The following FHIT variants were observed in gnomAD, a reference collection of about 807,000 sequenced individuals.
FHIT encodes the protein bis(5'-adenosyl)-triphosphatase.
FHIT carries 19 observed loss-of-function variants against 17.9 expected under a neutral mutation model. The observed-to-expected ratio is 1.06, with a 90% confidence interval of 0.74 to 1.56. FHIT has a LOEUF of 1.56. Among genes scored for constraint, FHIT ranks in the 40% most tolerant of loss-of-function variants. The pLI, the probability that FHIT is intolerant of heterozygous loss-of-function variation, is 0.00. For synonymous variants in FHIT, 81 were observed against 69.7 expected, an observed-to-expected ratio of 1.16 and a Z score of -0.81; for missense variants, 248 against 189.2, an observed-to-expected ratio of 1.31 and a Z score of -1.82.
At chr3:60,189,256 GAAAGA>G (rs1702295181) in intron 5 of FHIT, among the ~76,000 whole-genome samples, 1 of 151,924 alleles carries the variant, frequency 6.6e-6, no homozygotes, top group African/African-American at 2.4e-5. Flanking sequence ...GGAAAGAGGA[GAAAGA>G]AAAGAAAAGC....
At chr3:59,986,035 T>A (rs997702709) in intron 7 of FHIT, among the ~76,000 whole-genome samples, 2 of 152,026 alleles carry the variant, frequency 1.3e-5, no homozygotes, top group African/African-American at 4.8e-5. Flanking sequence ...GAACCAAGTA[T>A]CACTTCCTTT....
chr3:60,602,464 A>C (rs1171517722), intron 4 of FHIT, among the ~76,000 whole-genome samples: 1 of 152,200 alleles, frequency 6.6e-6, no homozygotes, highest in African/African-American at 2.4e-5. Flanking sequence ...AGATATTCTC[A>C]AAAGTGAAAA....
chr3:60,090,387 G>A (rs865914685), intron 5 of FHIT, among the ~76,000 whole-genome samples: 31 of 152,108 alleles, frequency 2.0e-4, no homozygotes, highest in African/African-American at 7.2e-4. Flanking sequence ...TTCAAAAGTC[G>A]GTAATGACAG....
intron 4 of FHIT, among the ~76,000 whole-genome samples, chr3:60,755,758 A>T (rs1395032711): frequency 6.6e-6 from 1 of 152,206 alleles, no homozygotes; most frequent in African/African-American, 2.4e-5. Context: ...ATTTAGAGAC[A>T]TTGGTTAAAT....
intron 4 of FHIT, among the ~76,000 whole-genome samples, chr3:60,574,364 CTTT>C (rs77222262): frequency 4.8e-5 from 7 of 144,822 alleles, no homozygotes; most frequent in Non-Finnish European, 4.6e-5. Context: ...TCTCCAACTC[CTTT>C]TTTTTTTTTT....
At chr3:60,144,736 A>G (rs998946960) in intron 5 of FHIT, among the ~76,000 whole-genome samples, 2 of 152,128 alleles carry the variant, frequency 1.3e-5, no homozygotes, top group Non-Finnish European at 2.9e-5. Context: ...TTATTTGGTG[A>G]AAACCTTCAA....
chr3:60,311,855 C>T (rs1335538485), intron 5 of FHIT, among the ~76,000 whole-genome samples: 2 of 151,540 alleles, frequency 1.3e-5, no homozygotes, highest in Non-Finnish European at 2.9e-5. Flanking sequence ...CAGGGCTGTT[C>T]AAGCTAACAG....
chr3:60,834,885 A>AG (rs1455575092), intron 3 of FHIT, among the ~76,000 whole-genome samples: 8 of 151,544 alleles, frequency 5.3e-5, no homozygotes, highest in African/African-American at 1.2e-4. Flanking sequence ...AGAAAAGAAA[A>AG]AAAAAAAAAA....
intron 5 of FHIT, among the ~76,000 whole-genome samples, chr3:60,293,573 C>G (rs1708080331): frequency 6.6e-6 from 1 of 152,048 alleles, no homozygotes; most frequent in African/African-American, 2.4e-5. Flanking sequence ...TGCTTTCTTC[C>G]ACAGTATTAT....
chr3:61,240,296 T>A (rs1560104670), intron 1 of FHIT, among the ~76,000 whole-genome samples: 1 of 152,196 alleles, frequency 6.6e-6, no homozygotes, highest in Non-Finnish European at 1.5e-5. Context: ...TCAGCAGCTC[T>A]CGTTAACCAG....
intron 4 of FHIT, among the ~76,000 whole-genome samples, chr3:60,746,073 T>C (rs2042349871): frequency 6.6e-6 from 1 of 152,216 alleles, no homozygotes; most frequent in South Asian, 2.1e-4. Context: ...TCATTAGCAC[T>C]GCACCTGATT....
At chr3:60,179,662 AT>A (rs1701836365) in intron 5 of FHIT, among the ~76,000 whole-genome samples, 3 of 151,856 alleles carry the variant, frequency 2.0e-5, no homozygotes, top group Non-Finnish European at 4.4e-5. Context: ...GTTATAATAC[AT>A]GTTTCTGTAG....
intron 5 of FHIT, among the ~76,000 whole-genome samples, chr3:60,339,286 G>A (rs556670703): frequency 6.6e-6 from 1 of 151,876 alleles, no homozygotes; most frequent in East Asian, 1.9e-4. Flanking sequence ...AACCTCTTCA[G>A]TATTAAAGAG....
intron 8 of FHIT, among the ~76,000 whole-genome samples, chr3:59,867,141 C>T (rs995124188): frequency 7.1e-5 from 4 of 56,446 alleles, no homozygotes; most frequent in African/African-American, 5.0e-4. Context: ...ATGGCAAAAT[C>T]TGATGGCTCT....
At chr3:60,990,544 C>G (rs992629913) in intron 3 of FHIT, among the ~76,000 whole-genome samples, 2 of 152,188 alleles carry the variant, frequency 1.3e-5, no homozygotes, top group Non-Finnish European at 2.9e-5. Context: ...ACATGCTATG[C>G]TCCAGGGCTG....
chr3:59,781,835 G>A (rs780612212), intron 8 of FHIT, among the ~76,000 whole-genome samples: 1 of 152,158 alleles, frequency 6.6e-6, no homozygotes, highest in Non-Finnish European at 1.5e-5. Flanking sequence ...TACGGGATGG[G>A]GTAACCTTGG....
intron 4 of FHIT, among the ~76,000 whole-genome samples, chr3:60,807,384 G>T: frequency 6.6e-6 from 1 of 151,224 alleles, no homozygotes; most frequent in South Asian, 2.1e-4. Context: ...ACTAGCCTGG[G>T]CAACATAGGG....
chr3:60,289,996 G>C lies in FHIT; in HGVS notation c.103+246864C>G, dbSNP rs115785873. Among the ~76,000 whole-genome samples, 749 of 152,280 alleles carry C rather than the reference G, an allele frequency of 4.9e-3. 4 individuals are homozygous for C. Among genetic ancestry groups the C allele is most frequent in the African/African-American group, 0.017 (697 of 41,560 alleles). ...TCTATAGTTCATGTGTAATCATGTA[G>C]CAAAGTAATTCACGATATAATGACC... On this transcript the variant is annotated intron_variant, in intron 5 of 9. Coordinates refer to ENST00000492590, the MANE Select transcript of FHIT (RefSeq NM_002012.4).
At chr3:59,932,873 T>C (rs918478039) in intron 7 of FHIT, among the ~76,000 whole-genome samples, 79 of 152,156 alleles carry the variant, frequency 5.2e-4, no homozygotes, top group African/African-American at 1.9e-3. Flanking sequence ...GAATTAACAG[T>C]CTTCCCTCCC....
Sources: gnomAD v4.1 joint callset for allele counts (sites outside exome capture counted in the v4.1 genomes callset) on GRCh38, gnomAD v4.1.1 for gene constraint, MANE v1.5 for transcripts, NCBI Gene and HGNC (gene_info 2026-07-23, HGNC 2026-07-21) for gene names.